The following XRCC6 variants were observed in gnomAD, a reference collection of about 807,000 sequenced individuals.
XRCC6 encodes DNA repair protein Ku70.
Under a neutral mutation model 65.7 loss-of-function variants are expected in XRCC6, and 5 were observed. The ratio of observed to expected loss-of-function variants is 0.08; its 90% CI spans 0.04 to 0.16. The LOEUF (loss-of-function observed/expected upper bound fraction) is 0.16, where lower values mean the gene tolerates loss of function less well. Ranked by LOEUF, XRCC6 falls within the 10% of genes least tolerant of loss-of-function variation. The pLI is 1.00. For synonymous variants in XRCC6, 270 were observed against 270.6 expected, an observed-to-expected ratio of 1.00 and a Z score of 0.02; for missense variants, 447 against 738.1, an observed-to-expected ratio of 0.61 and a Z score of 4.57.
chr22:41,646,336 C>T (rs928731482), intron 6 of XRCC6, among the ~76,000 whole-genome samples: 27 of 151,476 alleles, frequency 1.8e-4, no homozygotes, highest in Admixed American at 1.6e-3. Context: ...ACAACTAGTA[C>T]AGTACTTACA....
intron 12 of XRCC6, among the ~76,000 whole-genome samples, chr22:41,663,057 G>A (rs541549561): frequency 5.3e-5 from 8 of 152,186 alleles, no homozygotes; most frequent in South Asian, 2.1e-4. Flanking sequence ...CTCCAGCCTC[G>A]GTGATAGAGT....
At chr22:41,633,352 T>C (rs2147078369) in intron 3 of XRCC6, among the ~76,000 whole-genome samples, 1 of 152,242 alleles carries the variant, frequency 6.6e-6, no homozygotes, top group African/African-American at 2.4e-5. Flanking sequence ...TTGGAGACCA[T>C]TACTTTGAAG....
At chr22:41,648,564 T>C in intron 7 of XRCC6, among the ~76,000 whole-genome samples, 1 of 152,132 alleles carries the variant, frequency 6.6e-6, no homozygotes, top group East Asian at 1.9e-4. Flanking sequence ...ACGCAGAACA[T>C]TGTCTTTTCT....
intron 7 of XRCC6, 96 bp from the exon 8 acceptor site, chr22:41,650,622 TAGAAG>T (rs1315564754): frequency 5.3e-6 from 7 of 1,313,324 alleles, no homozygotes; most frequent in Admixed American, 1.9e-5. Context: ...TCCTGCTCCT[TAGAAG>T]AGAGCTGATT....
chr22:41,656,141 C>T (rs910395123), intron 9 of XRCC6, among the ~76,000 whole-genome samples: 13 of 148,394 alleles, frequency 8.8e-5, no homozygotes, highest in South Asian at 4.3e-4. Context: ...CTACTTGAGC[C>T]GGAGAGGTAG....
rs750942031 is a variant in XRCC6 at position 41,637,760 on chromosome 22, G to A, written c.742G>A (p.Ala248Thr). 4.3e-6 allele frequency: 7 copies of A among 1,613,766 alleles called. No individual in the cohort carries two copies. The African/African-American group carries it at 5.3e-5, about 12-fold the overall frequency. Residue 248 changes from alanine to threonine, a missense_variant, in exon 6 of 13, where the codon GCC becomes ACC. Around this residue, in one of 4 missense-constraint regions of XRCC6, gnomAD observed 228 missense variants for 307.4 expected, o/e 0.74. Coordinates refer to ENST00000360079, the MANE Select transcript of XRCC6 (RefSeq NM_001469.5). Reference sequence around the variant, plus strand: ...AGAAGACCTGTTGCGGAAGGTTCGCGCCAAGGAGACCAGGAAGCGAGCACT... The same window carrying A: ...AGAAGACCTGTTGCGGAAGGTTCGCACCAAGGAGACCAGGAAGCGAGCACT... ...KLEDLLRKVR[A>T]KETRKRALSR...
chr22:41,625,180 C>T (rs1178041300), intron 2 of XRCC6, among the ~76,000 whole-genome samples: 1 of 151,876 alleles, frequency 6.6e-6, no homozygotes, highest in African/African-American at 2.4e-5. Flanking sequence ...TAGCGCATGC[C>T]TGTAATCCTG....
At chr22:41,658,938 A>G (rs2068073383) in intron 11 of XRCC6, among the ~76,000 whole-genome samples, 1 of 152,166 alleles carries the variant, frequency 6.6e-6, no homozygotes, top group East Asian at 1.9e-4. Context: ...TCAAAAAACA[A>G]AACAAAAACA....
intron 5 of XRCC6, 23 bp from the exon 6 acceptor site, chr22:41,637,585 A>C (rs1219554409): frequency 1.3e-6 from 2 of 1,520,296 alleles, no homozygotes; most frequent in Non-Finnish European, 1.8e-6. Flanking sequence ...TTCCTCCCTC[A>C]CTTTTGTTTA....
intron 2 of XRCC6, among the ~76,000 whole-genome samples, chr22:41,625,219 G>A (rs1224049444): frequency 1.3e-5 from 2 of 151,766 alleles, no homozygotes; most frequent in Non-Finnish European, 2.9e-5. Flanking sequence ...CGGGAGAATC[G>A]CTTGAACACG....
At chr22:41,643,687 G>A (rs1457909655) in intron 6 of XRCC6, among the ~76,000 whole-genome samples, 1 of 151,960 alleles carries the variant, frequency 6.6e-6, no homozygotes, top group African/African-American at 2.4e-5. Context: ...TGGGCGTGGT[G>A]GTGGGCACCT....
At chr22:41,647,596 A>AG (rs1398368585) in intron 7 of XRCC6, among the ~76,000 whole-genome samples, 135 of 151,614 alleles carry the variant, frequency 8.9e-4, no homozygotes, top group Non-Finnish European at 1.3e-3. Context: ...AAAAAAAAAA[A>AG]AGAGACGGTG....
intron 7 of XRCC6, 98 bp downstream of exon 7, chr22:41,647,180 C>T (rs2066880885): frequency 3.8e-6 from 5 of 1,305,766 alleles, no homozygotes; most frequent in Non-Finnish European, 5.3e-6. Flanking sequence ...CTCGCTACAG[C>T]CTTGACCTCC....
intron 2 of XRCC6, among the ~76,000 whole-genome samples, chr22:41,627,014 G>A (rs528941074): frequency 5.3e-5 from 8 of 152,290 alleles, no homozygotes; most frequent in Non-Finnish European, 7.3e-5. Context: ...GATCTCAAGT[G>A]ATCCTCCCGC....
chr22:41,646,813 G>A (rs1255080090), intron 6 of XRCC6, 83 bp from the exon 7 acceptor site: 1 of 1,167,988 alleles, frequency 8.6e-7, no homozygotes, highest in Non-Finnish European at 1.2e-6. Context: ...GAATAAAACA[G>A]TGAAGCTTTG....
intron 6 of XRCC6, among the ~76,000 whole-genome samples, chr22:41,638,574 A>G (rs1301259431): frequency 2.0e-5 from 3 of 152,086 alleles, no homozygotes; most frequent in African/African-American, 7.2e-5. Flanking sequence ...TCACAAGTTC[A>G]AGAGATTGAG....
rs935939688 is a variant in XRCC6, at chr22:41,628,300, T to G, written c.195+70T>G. On this transcript the variant is annotated intron_variant, in intron 3 of 12. Transcript: ENST00000360079. The stretch of plus-strand genomic sequence containing the variant: ...GCTGGGCATGGTGGCGGCTCATGCC[T>G]GTAATCTCAGGACATTGGGAGGCCG... 8.2e-6 allele frequency: 11 copies of G among 1,340,484 alleles called. No individual in the cohort carries two copies. In the African/African-American group the frequency reaches 1.3e-4, roughly 16 times the overall value. The allele number at this position is 1,340,484 out of a possible 1,614,324, so 83.0% of individuals were successfully genotyped here.
At chr22:41,650,124 G>A (rs1601550077) in intron 7 of XRCC6, among the ~76,000 whole-genome samples, 1 of 151,808 alleles carries the variant, frequency 6.6e-6, no homozygotes, top group Admixed American at 6.6e-5. Flanking sequence ...TTTGTGTTGG[G>A]GGGATAGAGT....
At position 41,637,604 on chromosome 22, in the gene XRCC6, A is replaced by G; in HGVS notation, c.590-4A>G. ...TCCCTCACTTTTGTTTACCCTTGCA[A>G]CAGGCATCTTCCTTGACTTGATGCA... On this transcript the variant is annotated splice_region_variant and splice_polypyrimidine_tract_variant and intron_variant, in intron 5 of 12. Coordinates refer to ENST00000360079, the MANE Select transcript of XRCC6 (RefSeq NM_001469.5). 1.3e-6 allele frequency: 2 copies of G among 1,575,634 alleles called. No homozygotes were observed. Among genetic ancestry groups the G allele is most frequent in the Non-Finnish European group, 1.7e-6 (2 of 1,160,902 alleles).
Sources: gnomAD v4.1 joint callset for allele counts (sites outside exome capture counted in the v4.1 genomes callset) on GRCh38, gnomAD v4.1.1 for gene constraint, gnomAD v4.1.1 regional missense constraint, MANE v1.5 for transcripts, NCBI Gene and HGNC (gene_info 2026-07-23, HGNC 2026-07-21) for gene names.